The following BMP6 variants were observed in gnomAD, a reference collection of about 807,000 sequenced individuals.
The protein encoded by BMP6 is bone morphogenetic protein 6.
BMP6 carries 17 observed loss-of-function variants against 54.1 expected under a neutral mutation model. That is an observed-to-expected ratio of 0.31 (90% CI 0.22 to 0.47). The LOEUF (loss-of-function observed/expected upper bound fraction) is 0.47, where lower values mean the gene tolerates loss of function less well. Ranked by LOEUF, BMP6 falls within the 20% of genes least tolerant of loss-of-function variation. The pLI, the probability that BMP6 is intolerant of heterozygous loss-of-function variation, is 1.00. For missense variants in BMP6, 720 were observed against 690.4 expected (o/e 1.04, Z -0.48); for synonymous variants, 328 against 291.2 (o/e 1.13, Z -1.28).
intron 1 of BMP6, among the ~76,000 whole-genome samples, chr6:7,837,721 T>C (rs1219761792): frequency 2.6e-5 from 4 of 151,598 alleles, no homozygotes; most frequent in Admixed American, 2.0e-4. Context: ...TGCACCAAAA[T>C]CTCCGAACCC....
chr6:7,782,839 C>T (rs965703008), intron 1 of BMP6, among the ~76,000 whole-genome samples: 6 of 152,010 alleles, frequency 3.9e-5, no homozygotes, highest in East Asian at 1.9e-4. Context: ...AGAGGAAAAC[C>T]GGAGTTCTGA....
At chr6:7,854,657 G>A (rs558761393) in intron 2 of BMP6, among the ~76,000 whole-genome samples, 76 of 152,278 alleles carry the variant, frequency 5.0e-4, no homozygotes, top group Non-Finnish European at 7.2e-4. Flanking sequence ...TTAGTCAGGC[G>A]TGGTGGCGTG....
At position 7,728,991 on chromosome 6, in the gene BMP6, G is replaced by A. The variant is rs576383187; in HGVS notation, c.664+1372G>A. On this transcript the variant is annotated intron_variant, in intron 1 of 6. Transcript: ENST00000283147. ...GGGAGGGTGTGGAGGCAGGGCGATTGGCATCCAAGTGGTGCAGAAATCCTC... is the reference window on the plus strand; with the variant it reads ...GGGAGGGTGTGGAGGCAGGGCGATTAGCATCCAAGTGGTGCAGAAATCCTC... Among the ~76,000 whole-genome samples the A allele has an allele frequency of 5.3e-5, 8 of 152,332 alleles. No homozygotes were observed. The South Asian group carries it at 1.7e-3, about 32-fold the overall frequency.
intron 4 of BMP6, among the ~76,000 whole-genome samples, chr6:7,875,413 T>A (rs186559752): frequency 1.3e-5 from 2 of 152,248 alleles, no homozygotes; most frequent in Non-Finnish European, 2.9e-5. Flanking sequence ...CTCAGTAGCT[T>A]ACACCTATAA....
chr6:7,877,987 G>A (rs1348396935), intron 4 of BMP6, among the ~76,000 whole-genome samples: 2 of 152,154 alleles, frequency 1.3e-5, no homozygotes, highest in Admixed American at 6.5e-5. Context: ...TGGGAAGTCC[G>A]AAGCATTGTG....
Position 7,726,939 on chromosome 6 carries a change from A to G in BMP6, c.-17A>G. Reference sequence around the variant, plus strand: ...CACGCCTCGCGGGATCCGCGGGGGCAGCCCGGCCGGGCGGGGATGCCGGGG... The same window carrying G: ...CACGCCTCGCGGGATCCGCGGGGGCGGCCCGGCCGGGCGGGGATGCCGGGG... On this transcript the variant is annotated 5_prime_UTR_variant, in exon 1 of 7. Transcript: ENST00000283147. 1 of 1,131,876 alleles carries G rather than the reference A, an allele frequency of 8.8e-7. No individual in the cohort carries two copies. Among genetic ancestry groups the G allele is most frequent in the Non-Finnish European group, 1.1e-6 (1 of 923,690 alleles). 70.1% of individuals were successfully genotyped at this position (1,131,876 alleles called of 1,614,324 possible).
chr6:7,830,188 A>G (rs534313607), intron 1 of BMP6, among the ~76,000 whole-genome samples: 1 of 152,058 alleles, frequency 6.6e-6, no homozygotes, highest in East Asian at 1.9e-4. Flanking sequence ...CCTCTCTCTC[A>G]TATCCGTGCT....
At chr6:7,742,581 G>A (rs147677935) in intron 1 of BMP6, among the ~76,000 whole-genome samples, 69 of 152,284 alleles carry the variant, frequency 4.5e-4, no homozygotes, top group African/African-American at 1.5e-3. Flanking sequence ...AAAGCCATGG[G>A]CAGGATTGAG....
At chr6:7,813,686 T>C (rs1758478245) in intron 1 of BMP6, among the ~76,000 whole-genome samples, 2 of 135,194 alleles carry the variant, frequency 1.5e-5, no homozygotes, top group Non-Finnish European at 1.6e-5. Context: ...AAACCCAGTA[T>C]AGAAAATATA....
At chr6:7,802,360 C>T (rs1758281721) in intron 1 of BMP6, among the ~76,000 whole-genome samples, 1 of 152,160 alleles carries the variant, frequency 6.6e-6, no homozygotes, top group South Asian at 2.1e-4. Flanking sequence ...GGTAATGAAA[C>T]AGGTATGATC....
intron 1 of BMP6, among the ~76,000 whole-genome samples, chr6:7,739,474 T>C (rs1435086358): frequency 6.6e-6 from 1 of 152,220 alleles, no homozygotes; most frequent in African/African-American, 2.4e-5. Context: ...TGTCACTTAT[T>C]ATCCTATTAT....
chr6:7,732,099 A>G (rs1761870527), intron 1 of BMP6, among the ~76,000 whole-genome samples: 1 of 152,234 alleles, frequency 6.6e-6, no homozygotes, highest in African/African-American at 2.4e-5. Flanking sequence ...GTAACTAGAT[A>G]TAATGCGCTA....
intron 1 of BMP6, among the ~76,000 whole-genome samples, chr6:7,794,376 C>CAG (rs2113188078): frequency 6.6e-6 from 1 of 152,256 alleles, no homozygotes; most frequent in East Asian, 1.9e-4. Context: ...GAGGCCAAGG[C>CAG]AGGAGGATCC....
intron 1 of BMP6, among the ~76,000 whole-genome samples, chr6:7,811,956 ATAGT>A (rs948619616): frequency 5.3e-5 from 8 of 152,328 alleles, no homozygotes; most frequent in East Asian, 1.9e-4. Context: ...TGTTCTGCAA[ATAGT>A]TAGAACAGGG....
Position 7,772,917 on chromosome 6 carries a change from C to T in BMP6, c.664+45298C>T, listed in dbSNP as rs891073224. On this transcript the variant is annotated intron_variant, in intron 1 of 6. Coordinates refer to ENST00000283147, the MANE Select transcript of BMP6 (RefSeq NM_001718.6). ...ACTTTCATGCTTGACAGGACTGGGA[C>T]CCAATCTATCTCCTTGTGGTGCTTT... 3.9e-5 allele frequency among the ~76,000 whole-genome samples: 6 copies of T among 152,142 alleles called. 1 individual carries two copies. In the South Asian group the frequency reaches 1.2e-3, roughly 32 times the overall value.
intron 1 of BMP6, among the ~76,000 whole-genome samples, chr6:7,787,750 C>G (rs1365704876): frequency 1.3e-5 from 2 of 152,198 alleles, no homozygotes; most frequent in African/African-American, 4.8e-5. Flanking sequence ...AGTATAACTT[C>G]CCTGAATTCC....
chr6:7,789,744 C>T (rs1758067825), intron 1 of BMP6, among the ~76,000 whole-genome samples: 1 of 152,088 alleles, frequency 6.6e-6, no homozygotes, highest in Non-Finnish European at 1.5e-5. Flanking sequence ...ATTTCTTAGA[C>T]TCTCCCTGGC....
At chr6:7,730,099 G>A (rs1307064448) in intron 1 of BMP6, among the ~76,000 whole-genome samples, 3 of 152,132 alleles carry the variant, frequency 2.0e-5, no homozygotes, top group East Asian at 1.9e-4. Context: ...GGCCTAAGGC[G>A]AATTTGTAAA....
At chr6:7,825,449 G>A (rs1419440260) in intron 1 of BMP6, among the ~76,000 whole-genome samples, 3 of 152,104 alleles carry the variant, frequency 2.0e-5, no homozygotes, top group African/African-American at 4.8e-5. Context: ...GGCCAGGCGT[G>A]GTGGATCACA....
Sources: allele counts gnomAD v4.1 joint callset (sites outside exome capture counted in the v4.1 genomes callset), GRCh38; gene constraint gnomAD v4.1.1; transcripts MANE v1.5; gene names NCBI Gene and HGNC (gene_info 2026-07-23, HGNC 2026-07-21).